The following COG4 variants were observed in gnomAD, a reference collection of about 807,000 sequenced individuals.
COG4 encodes the protein conserved oligomeric Golgi complex subunit 4.
A neutral mutation model predicts 95.1 loss-of-function variants in COG4; 65 were observed. The ratio of observed to expected loss-of-function variants is 0.68; its 90% CI spans 0.56 to 0.84. The LOEUF is 0.84. Among genes scored for constraint, COG4 ranks in the 40% least tolerant of loss-of-function variants. The pLI is 0.00. For missense variants in COG4, 1,045 were observed against 989.1 expected, an observed-to-expected ratio of 1.06 and a Z score of -0.76; for synonymous variants, 421 against 374.8, an observed-to-expected ratio of 1.12 and a Z score of -1.42.
intron 5 of COG4, among the ~76,000 whole-genome samples, chr16:70,510,924 C>T (rs979695062): frequency 5.3e-5 from 8 of 152,048 alleles, no homozygotes; most frequent in African/African-American, 1.7e-4. Context: ...CCAACATGCC[C>T]GGCTAATTTT....
chr16:70,498,484 A>G (rs1326021836), intron 9 of COG4, among the ~76,000 whole-genome samples: 4 of 151,900 alleles, frequency 2.6e-5, no homozygotes. Flanking sequence ...ATGCACCACC[A>G]CGCCCGGCAA....
At chr16:70,486,451 T>C (rs938836653) in intron 13 of COG4, among the ~76,000 whole-genome samples, 2 of 152,196 alleles carry the variant, frequency 1.3e-5, no homozygotes, top group African/African-American at 4.8e-5. Flanking sequence ...TAACCTTCCC[T>C]GTAAGCTGAA....
Position 70,507,813 on chromosome 16 carries a change from G to C in COG4, c.1061+593C>G, listed in dbSNP as rs574025331. Reference sequence around the variant, plus strand: ...GGAGGCAGGGGCTGTAGTGAGCCAAGATAATGCTACTGCACTCCAGCGTGG... The same window carrying C: ...GGAGGCAGGGGCTGTAGTGAGCCAACATAATGCTACTGCACTCCAGCGTGG... On this transcript the variant is annotated intron_variant, in intron 8 of 18. Transcript: ENST00000323786. Among the ~76,000 whole-genome samples, 4 of 149,542 alleles carry C rather than the reference G, an allele frequency of 2.7e-5. No individual in the cohort carries two copies. In the South Asian group the frequency reaches 6.4e-4, roughly 24 times the overall value.
At chr16:70,506,525 A>G (rs2151755944) in intron 8 of COG4, among the ~76,000 whole-genome samples, 1 of 131,034 alleles carries the variant, frequency 7.6e-6, no homozygotes, top group Admixed American at 9.4e-5. Flanking sequence ...TAGCAGGTGG[A>G]GGTTTTGGTG....
intron 1 of COG4, among the ~76,000 whole-genome samples, chr16:70,520,963 C>A (rs886343487): frequency 6.6e-6 from 1 of 152,168 alleles, no homozygotes; most frequent in Non-Finnish European, 1.5e-5. Context: ...ATTAACCATA[C>A]ATTTTTATTT....
intron 4 of COG4, among the ~76,000 whole-genome samples, chr16:70,513,971 GC>G (rs2049767071): frequency 1.3e-5 from 2 of 152,126 alleles, no homozygotes; most frequent in East Asian, 3.8e-4. Context: ...ACTTTGGGAG[GC>G]CAAGGCGGGC....
intron 15 of COG4, 39 bp from the exon 16 acceptor site, chr16:70,482,214 T>A (rs761382077): frequency 1.6e-6 from 2 of 1,278,772 alleles, no homozygotes; most frequent in East Asian, 2.3e-5. Context: ...ATGGGCCTCA[T>A]AAGAAGTACC....
intron 1 of COG4, among the ~76,000 whole-genome samples, chr16:70,522,883 T>C (rs1170285026): frequency 6.6e-6 from 1 of 152,198 alleles, no homozygotes; most frequent in Admixed American, 6.5e-5. Flanking sequence ...TACAAAGATG[T>C]GCATTTGACC....
chr16:70,491,990 C>G (rs2049254844), intron 12 of COG4, among the ~76,000 whole-genome samples: 1 of 152,106 alleles, frequency 6.6e-6, no homozygotes, highest in Non-Finnish European at 1.5e-5. Flanking sequence ...GCTGACATTC[C>G]AGAAGGGAAG....
At chr16:70,514,575 G>C (rs2049784274) in intron 3 of COG4, 66 bp from the exon 4 acceptor site, 2 of 1,392,028 alleles carry the variant, frequency 1.4e-6, no homozygotes, top group East Asian at 2.3e-5. Flanking sequence ...CAAGAAGGTA[G>C]GGAGATTCAG....
At chr16:70,495,775 C>G (rs1249875539) in intron 12 of COG4, among the ~76,000 whole-genome samples, 4 of 152,218 alleles carry the variant, frequency 2.6e-5, no homozygotes, top group Admixed American at 2.6e-4. Context: ...TTTATCACAT[C>G]TGTCATTCTG....
intron 17 of COG4, 103 bp from the exon 18 acceptor site, chr16:70,481,590 G>A (rs2048993808): frequency 2.6e-6 from 4 of 1,544,844 alleles, no homozygotes; most frequent in Non-Finnish European, 2.7e-6. Flanking sequence ...GGCCTCAGGT[G>A]GTGCCCTGTG....
rs565425884 is a variant in COG4 at position 70,523,271 on chromosome 16, G to A, written c.171+102C>T. Reference sequence around the variant, plus strand: ...CGCTTCTTTGTTTTCCCGCTTTTTTGTATCCCCCAGCAAGGAGAGTTTCCC... The same window carrying A: ...CGCTTCTTTGTTTTCCCGCTTTTTTATATCCCCCAGCAAGGAGAGTTTCCC... On this transcript the variant is annotated intron_variant, in intron 1 of 18. Transcript: ENST00000323786. 21 of 1,412,076 alleles carry A rather than the reference G, an allele frequency of 1.5e-5. 1 individual carries two copies. The highest frequency in any genetic ancestry group is 2.1e-5 in the Non-Finnish European group (21 of 1,001,798). 87.5% of individuals were successfully genotyped at this position (1,412,076 alleles called of 1,614,324 possible).
intron 10 of COG4, among the ~76,000 whole-genome samples, chr16:70,497,593 T>G (rs1441733130): frequency 6.6e-6 from 1 of 152,212 alleles, no homozygotes; most frequent in Non-Finnish European, 1.5e-5. Flanking sequence ...GCCTTAGCCC[T>G]GCAGAGATCC....
intron 8 of COG4, among the ~76,000 whole-genome samples, chr16:70,506,805 A>C (rs989751828): frequency 5.3e-5 from 8 of 151,864 alleles, no homozygotes; most frequent in African/African-American, 1.9e-4. Flanking sequence ...TAAAAAAAAA[A>C]AGTAAAAGTT....
At chr16:70,519,898 T>C (rs570128980) in intron 1 of COG4, among the ~76,000 whole-genome samples, 167 bp from the exon 2 acceptor site, 1 of 152,260 alleles carries the variant, frequency 6.6e-6, no homozygotes, top group Non-Finnish European at 1.5e-5. Context: ...TTATGTTGCA[T>C]GATTGTTATC....
intron 12 of COG4, among the ~76,000 whole-genome samples, chr16:70,493,721 G>A (rs531765213): frequency 2.0e-5 from 3 of 152,254 alleles, no homozygotes; most frequent in African/African-American, 7.2e-5. Context: ...TGCAGAGTTA[G>A]CCCTGTGACC....
rs2048974710 is a variant in COG4 at position 70,480,862 on chromosome 16, C to T, written c.*148G>A. The T allele has an allele frequency of 1.1e-6, 1 of 928,544 alleles. No homozygotes were observed. The highest frequency in any genetic ancestry group is 1.7e-6 in the Non-Finnish European group (1 of 590,992). The allele number at this position is 928,544 out of a possible 1,614,324, so 57.5% of individuals were successfully genotyped here. ...TCTGAGGGCAGAGCATGGAGTGGGT[C>T]CAGACTTTGTTTCTCTGCTGCCAGC... On this transcript the variant is annotated 3_prime_UTR_variant, in exon 19 of 19. Transcript: ENST00000323786.
chr16:70,491,520 C>CAAAAA (rs72213284), intron 12 of COG4, among the ~76,000 whole-genome samples: 10 of 54,812 alleles, frequency 1.8e-4, no homozygotes, highest in African/African-American at 5.5e-4. Flanking sequence ...GACTCTGTCT[C>CAAAAA]AAAAAAAAAA....
Sources: gnomAD v4.1 joint callset for allele counts (sites outside exome capture counted in the v4.1 genomes callset) on GRCh38, gnomAD v4.1.1 for gene constraint, MANE v1.5 for transcripts, NCBI Gene and HGNC (gene_info 2026-07-23, HGNC 2026-07-21) for gene names.